KLF8: variants seen among roughly 807,000 people sequenced by gnomAD.
KLF8 encodes KLF transcription factor 8, also known as Krueppel-like factor 8.
KLF8 carries 10 observed loss-of-function variants against 18.2 expected under a neutral mutation model. The ratio of observed to expected loss-of-function variants is 0.55; its 90% CI spans 0.34 to 0.93. KLF8 has a LOEUF of 0.93. Among genes scored for constraint, KLF8 ranks in the 40% least tolerant of loss-of-function variants. KLF8 has a pLI of 0.02. For synonymous variants in KLF8, 109 were observed against 97.3 expected, an observed-to-expected ratio of 1.12 and a Z score of -0.71; for missense variants, 264 against 277.9, an observed-to-expected ratio of 0.95 and a Z score of 0.36.
the KLF8 span, among the ~76,000 whole-genome samples, chrX:55,946,095 A>G: frequency 8.9e-6 from 1 of 111,800 alleles, no homozygotes; most frequent in African/African-American, 3.3e-5. Context: ...CACCCCCATC[A>G]AGCTACCAAT....
chrX:55,958,614 CAA>C, the KLF8 span, among the ~76,000 whole-genome samples: 1 of 111,806 alleles, frequency 8.9e-6, no homozygotes, highest in African/African-American at 3.3e-5. Flanking sequence ...ATGCTTCATT[CAA>C]TCAGAATGCC....
the KLF8 span, among the ~76,000 whole-genome samples, chrX:56,086,924 G>A: frequency 9.0e-6 from 1 of 111,622 alleles, no homozygotes; most frequent in Non-Finnish European, 1.9e-5. Context: ...CCAAAGGACA[G>A]TGATATGTGG....
chrX:56,104,507 G>T, the KLF8 span, among the ~76,000 whole-genome samples: 2 of 111,678 alleles, frequency 1.8e-5, no homozygotes, highest in Non-Finnish European at 3.8e-5. Flanking sequence ...TTGCATAGAG[G>T]TGTTTATAGT....
At chrX:56,162,520 G>T in the KLF8 span, among the ~76,000 whole-genome samples, 5 of 111,696 alleles carry the variant, frequency 4.5e-5, no homozygotes, top group Non-Finnish European at 7.5e-5. Flanking sequence ...ATCTCAGACT[G>T]CTGTGCTGGC....
At chrX:56,029,700 G>A in the KLF8 span, among the ~76,000 whole-genome samples, 1 of 111,777 alleles carries the variant, frequency 8.9e-6, no homozygotes, top group South Asian at 3.8e-4. Context: ...TTCTCTTTTA[G>A]TTGGGGACAT....
At chrX:56,146,106 T>A in the KLF8 span, among the ~76,000 whole-genome samples, 1 of 112,142 alleles carries the variant, frequency 8.9e-6, no homozygotes, top group South Asian at 3.7e-4. Flanking sequence ...GTTTTTACAC[T>A]GTTGGTGGGA....
the KLF8 span, among the ~76,000 whole-genome samples, chrX:56,140,396 T>C: frequency 8.9e-6 from 1 of 111,778 alleles, no homozygotes; most frequent in African/African-American, 3.3e-5. Context: ...GAAAACATGA[T>C]ACGTATGCAT....
chrX:56,266,794 A>T, intron 3 of KLF8: 1 of 753,349 alleles, frequency 1.3e-6, no homozygotes. Flanking sequence ...AGCTTACTGT[A>T]AAAGAGTATC....
At chrX:56,116,241 G>A in the KLF8 span, among the ~76,000 whole-genome samples, 18 of 112,762 alleles carry the variant, frequency 1.6e-4, no homozygotes, top group African/African-American at 5.8e-4. Context: ...TACCTGGCAG[G>A]AACAGGTGTG....
At chrX:56,187,679 T>A in the KLF8 span, among the ~76,000 whole-genome samples, 1 of 110,563 alleles carries the variant, frequency 9.0e-6, no homozygotes, top group African/African-American at 3.3e-5. Flanking sequence ...TCCACCATGA[T>A]CAAGTGGGCT....
chrX:56,001,218 G>C, the KLF8 span, among the ~76,000 whole-genome samples: 1 of 112,082 alleles, frequency 8.9e-6, no homozygotes, highest in Non-Finnish European at 1.9e-5. Context: ...TTTTCTTGTT[G>C]CTTCTCTGCA....
the KLF8 span, among the ~76,000 whole-genome samples, chrX:56,021,846 AGG>A: frequency 9.1e-6 from 1 of 110,245 alleles, no homozygotes; most frequent in Non-Finnish European, 1.9e-5. Context: ...TGCTTTGCTG[AGG>A]GAACAGCAGG....
At chrX:56,158,472 C>A in the KLF8 span, among the ~76,000 whole-genome samples, 112 of 111,590 alleles carry the variant, frequency 1.0e-3, no homozygotes, top group African/African-American at 3.5e-3. Flanking sequence ...TCTATAAATT[C>A]CCTTGGGGAG....
At chrX:55,917,452 A>G in the KLF8 span, among the ~76,000 whole-genome samples, 1 of 112,018 alleles carries the variant, frequency 8.9e-6, no homozygotes, top group Non-Finnish European at 1.9e-5. Context: ...TTATTGAGCA[A>G]TTACTAAGTG....
the KLF8 span, among the ~76,000 whole-genome samples, chrX:55,947,713 TG>T: frequency 4.5e-5 from 5 of 111,808 alleles, no homozygotes; most frequent in Non-Finnish European, 9.4e-5. Context: ...CTTTGAGTTT[TG>T]TGCCTAAGTC....
At chrX:56,089,239 G>C in the KLF8 span, among the ~76,000 whole-genome samples, 49 of 111,121 alleles carry the variant, frequency 4.4e-4, no homozygotes, top group African/African-American at 1.6e-3. Flanking sequence ...AGAATTTACG[G>C]GAAAGAAAGG....
At chrX:56,246,943 T>G (rs777810120) in intron 1 of KLF8, among the ~76,000 whole-genome samples, 5 of 111,543 alleles carry the variant, frequency 4.5e-5, no homozygotes, top group Non-Finnish European at 9.4e-5. Flanking sequence ...ATTCTGATAA[T>G]CAACAATAAT....
At chrX:56,010,372 AG>A in the KLF8 span, among the ~76,000 whole-genome samples, 2 of 97,341 alleles carry the variant, frequency 2.1e-5, no homozygotes, top group African/African-American at 1.2e-4. Flanking sequence ...AAGCTTCATC[AG>A]CAAAGGAGAA....
chrX:56,077,190 GGTGTTT>G, the KLF8 span, among the ~76,000 whole-genome samples: 2 of 111,654 alleles, frequency 1.8e-5, no homozygotes, highest in Admixed American at 1.9e-4. Flanking sequence ...CATTGCTTTT[GGTGTTT>G]TAGACATGAA....
Sources: gnomAD v4.1 joint callset for allele counts (sites outside exome capture counted in the v4.1 genomes callset) on GRCh38, gnomAD v4.1.1 for gene constraint, MANE v1.5 for transcripts, NCBI Gene and HGNC (gene_info 2026-07-23, HGNC 2026-07-21) for gene names.